SGK1: variants seen among roughly 807,000 people sequenced by gnomAD.
SGK1 encodes serine/threonine-protein kinase Sgk1.
Under a neutral mutation model 64.2 loss-of-function variants are expected in SGK1, and 26 were observed. The ratio of observed to expected loss-of-function variants is 0.40; its 90% CI spans 0.30 to 0.56. The LOEUF (loss-of-function observed/expected upper bound fraction) is 0.56, where lower values mean the gene tolerates loss of function less well. Ranked by LOEUF, SGK1 falls within the 20% of genes least tolerant of loss-of-function variation. The pLI, the probability that SGK1 is intolerant of heterozygous loss-of-function variation, is 0.38. For missense variants in SGK1, 519 were observed against 645.6 expected, an observed-to-expected ratio of 0.80 and a Z score of 2.12; for synonymous variants, 265 against 239.7, an observed-to-expected ratio of 1.11 and a Z score of -0.98.
chr6:134,276,372 G>A (rs1189659312), intron 1 of SGK1, among the ~76,000 whole-genome samples: 4 of 152,166 alleles, frequency 2.6e-5, no homozygotes, highest in African/African-American at 9.7e-5. Flanking sequence ...GGGCTGTGAT[G>A]GGGATAGGTG....
intron 2 of SGK1, among the ~76,000 whole-genome samples, chr6:134,254,646 A>C (rs1318542162): frequency 1.3e-5 from 2 of 152,314 alleles, no homozygotes; most frequent in South Asian, 2.1e-4. Flanking sequence ...AATCCCTGGA[A>C]GGTGGTAATC....
intron 3 of SGK1, among the ~76,000 whole-genome samples, chr6:134,202,796 T>G (rs1040947760): frequency 7.2e-5 from 11 of 152,156 alleles, no homozygotes; most frequent in Non-Finnish European, 1.6e-4. Context: ...AAGATAATTT[T>G]CCCCTTATTT....
chr6:134,272,218 G>A lies in SGK1; in HGVS notation c.70-10070C>T, dbSNP rs551570116. 7.8e-5 allele frequency among the ~76,000 whole-genome samples: 11 copies of A among 141,162 alleles called. 1 individual carries two copies. The highest frequency in any genetic ancestry group is 2.6e-4 in the East Asian group (1 of 3,810). 92.6% of individuals were successfully genotyped at this position (141,162 alleles called of 152,430 possible). ...TGCAGTAGTATGATCTCAGCTCACC[G>A]CAACCTCCCGTTCCTGGGTTCAAGG... On this transcript the variant is annotated intron_variant, in intron 1 of 13. Transcript: ENST00000367858.
chr6:134,316,536 C>T (rs1026622063), intron 1 of SGK1, among the ~76,000 whole-genome samples: 1 of 151,972 alleles, frequency 6.6e-6, no homozygotes, highest in Non-Finnish European at 1.5e-5. Flanking sequence ...TATAAATTTG[C>T]AGATTTACAC....
At chr6:134,226,811 G>C (rs1402811395) in intron 2 of SGK1, among the ~76,000 whole-genome samples, 1 of 152,128 alleles carries the variant, frequency 6.6e-6, no homozygotes, top group African/African-American at 2.4e-5. Flanking sequence ...TCAGCCTCCT[G>C]AGTAGCTGGG....
At chr6:134,315,714 CA>C (rs1181536416) in intron 1 of SGK1, among the ~76,000 whole-genome samples, 1 of 152,088 alleles carries the variant, frequency 6.6e-6, no homozygotes, top group Non-Finnish European at 1.5e-5. Flanking sequence ...TGGGCTATGG[CA>C]TTTTTAAAAT....
In SGK1 at chr6:134,170,659, G is replaced by A. The variant is rs1774985967; in HGVS notation, c.1413+167C>T. ...ATTGATAAATGTGTCTAAAAATTAT[G>A]GGAGCCTTGTTGGGACACAAAAATG... On this transcript the variant is annotated intron_variant, in intron 13 of 13. Transcript: ENST00000367858. 19 of 690,742 alleles carry A rather than the reference G, an allele frequency of 2.8e-5. No homozygotes were observed. The South Asian group carries it at 3.6e-4, about 13-fold the overall frequency. 42.8% of individuals were successfully genotyped at this position (690,742 alleles called of 1,614,324 possible). A position where few individuals can be genotyped will look rare whatever the true frequency, so the allele number is the denominator to read the frequency against.
intron 2 of SGK1, among the ~76,000 whole-genome samples, chr6:134,256,412 A>G (rs1353302831): frequency 6.6e-6 from 1 of 152,028 alleles, no homozygotes; most frequent in Non-Finnish European, 1.5e-5. Flanking sequence ...TTTAAGGCAG[A>G]AAGTAGAGAT....
chr6:134,173,497 AGTGAAAGTCAGATG>A lies in SGK1; in HGVS notation c.569_582del (p.Pro190LeufsTer71). On this transcript the variant is annotated frameshift_variant, in exon 6 of 14. Transcript: ENST00000367858. LOFTEE classifies it high-confidence loss of function. ...CTGCCCTTTCCGATCACTTTCAAGA[AGTGAAAGTCAGATG>A]GTTTAGCATGAGGATTGGACGACGG... 1 of 1,613,384 alleles carries A rather than the reference AGTGAAAGTCAGATG, an allele frequency of 6.2e-7. No homozygotes were observed.
intron 2 of SGK1, among the ~76,000 whole-genome samples, chr6:134,209,919 C>T (rs149834456): frequency 1.8e-3 from 272 of 152,282 alleles, no homozygotes; most frequent in African/African-American, 5.8e-3. Flanking sequence ...TCAGGTAATC[C>T]GCCCACATTG....
At chr6:134,178,113 C>T (rs1429309684) in intron 3 of SGK1, among the ~76,000 whole-genome samples, 3 of 152,128 alleles carry the variant, frequency 2.0e-5, no homozygotes, top group African/African-American at 7.2e-5. Context: ...GCATGCATTC[C>T]GGGAGGAACG....
intron 2 of SGK1, among the ~76,000 whole-genome samples, chr6:134,220,037 C>T (rs1221948049): frequency 1.0e-5 from 1 of 98,982 alleles, no homozygotes; most frequent in Non-Finnish European, 1.8e-5. Context: ...CCAGCCTGGG[C>T]GACAGAGCGA....
At chr6:134,274,849 A>T (rs556644026) in intron 1 of SGK1, among the ~76,000 whole-genome samples, 71 of 151,854 alleles carry the variant, frequency 4.7e-4, no homozygotes, top group Non-Finnish European at 9.3e-4. Context: ...TCTGTCACCC[A>T]GGCTGGAGTG....
At chr6:134,182,761 G>T (rs1430565139) in intron 3 of SGK1, among the ~76,000 whole-genome samples, 1 of 152,202 alleles carries the variant, frequency 6.6e-6, no homozygotes, top group African/African-American at 2.4e-5. Context: ...TCCGTGAAAG[G>T]CCTGAATGAT....
At chr6:134,286,375 C>T (rs1221575701) in intron 1 of SGK1, among the ~76,000 whole-genome samples, 1 of 152,094 alleles carries the variant, frequency 6.6e-6, no homozygotes, top group Non-Finnish European at 1.5e-5. Flanking sequence ...GGAGGACCTC[C>T]TGAGCCTGGG....
chr6:134,259,126 G>A (rs574577238), intron 2 of SGK1, among the ~76,000 whole-genome samples: 1 of 152,314 alleles, frequency 6.6e-6, no homozygotes, highest in Non-Finnish European at 1.5e-5. Flanking sequence ...AAGGAAAAGG[G>A]TAAATCACAA....
chr6:134,242,357 G>A (rs775451248), intron 2 of SGK1, among the ~76,000 whole-genome samples: 6 of 152,032 alleles, frequency 3.9e-5, no homozygotes, highest in Non-Finnish European at 8.8e-5. Flanking sequence ...GTGGTGGCAC[G>A]TGCCTGTAAT....
chr6:134,196,465 TA>T lies in SGK1; in HGVS notation c.361+10890del, dbSNP rs919079208. ...ACAAAGAAAAAATAATAATTTACCC[TA>T]AAAAAAATTAAAATAATAATAATAA... On this transcript the variant is annotated intron_variant, in intron 3 of 13. Coordinates refer to ENST00000367858, the MANE Select transcript of SGK1 (RefSeq NM_001143676.3). Among the ~76,000 whole-genome samples, 38 of 151,498 alleles carry T rather than the reference TA, an allele frequency of 2.5e-4. 1 individual carries two copies. The highest frequency in any genetic ancestry group is 7.7e-4 in the East Asian group (4 of 5,172).
rs114107943 is a variant in SGK1 at position 134,211,179 on chromosome 6, A to G, written c.286-3748T>C. On this transcript the variant is annotated intron_variant, in intron 2 of 13. Transcript: ENST00000367858. ...TCTCATGTTATGTGTTCTTTCCACA[A>G]TAACACAAAATCTAGAATAGATTGC... is the stretch of plus-strand genomic sequence containing the variant. Among the ~76,000 whole-genome samples, 406 of 152,330 alleles carry G rather than the reference A, an allele frequency of 2.7e-3. 3 individuals carry two copies. Among genetic ancestry groups the G allele is most frequent in the African/African-American group, 9.1e-3 (378 of 41,576 alleles).
Sources: gnomAD v4.1 joint callset for allele counts (sites outside exome capture counted in the v4.1 genomes callset) on GRCh38, gnomAD v4.1.1 for gene constraint, MANE v1.5 for transcripts, NCBI Gene and HGNC (gene_info 2026-07-23, HGNC 2026-07-21) for gene names.